The following LRRIQ1 variants were observed in gnomAD, a reference collection of about 807,000 sequenced individuals.
LRRIQ1 encodes the protein leucine-rich repeat- and IQ domain-containing protein 1.
In LRRIQ1, 210 loss-of-function variants were observed where a neutral mutation model predicts 211.9. The ratio of observed to expected loss-of-function variants is 0.99; its 90% CI spans 0.89 to 1.11. The LOEUF is 1.11. Ranked by LOEUF, LRRIQ1 falls within the 50% of genes most tolerant of loss-of-function variation. LRRIQ1 has a pLI of 0.00. For synonymous variants in LRRIQ1, 699 were observed against 650.1 expected, an observed-to-expected ratio of 1.08 and a Z score of -1.14; for missense variants, 2,136 against 1,939.5, an observed-to-expected ratio of 1.10 and a Z score of -1.90.
At position 85,106,602 on chromosome 12, in the gene LRRIQ1, G is replaced by T. The variant is rs769140483; in HGVS notation, c.3364G>T (p.Glu1122Ter). The T allele has an allele frequency of 1.2e-6, 2 of 1,609,924 alleles. No individual in the cohort carries two copies. The highest frequency in any genetic ancestry group is 1.7e-6 in the Non-Finnish European group (2 of 1,177,090). ...LSLTGNPLLQ[E>*]TNWRDSLLKV... The stretch of plus-strand genomic sequence containing the variant: ...TCTTACTGGAAACCCACTTCTTCAA[G>T]AAACAAACTGGAGGTAAAGAGGCAT... The change falls in exon 15 of 27, where the codon GAA becomes TAA. Residue 1122 changes from glutamate (E) to a stop codon, truncating the protein, a stop_gained. Transcript: ENST00000393217. LOFTEE classifies it high-confidence loss of function.
chr12:85,125,362 C>A (rs1015475089), intron 17 of LRRIQ1, among the ~76,000 whole-genome samples: 9 of 151,968 alleles, frequency 5.9e-5, no homozygotes, highest in Admixed American at 1.3e-4. Flanking sequence ...ATCAAGTAAA[C>A]CCCCTTATAA....
chr12:85,102,834 T>G (rs1385586177), intron 13 of LRRIQ1, among the ~76,000 whole-genome samples: 2 of 150,666 alleles, frequency 1.3e-5, no homozygotes, highest in Non-Finnish European at 1.5e-5. Context: ...AAGTGAAAAT[T>G]AATGCATACT....
chr12:85,046,703 A>G (rs1330336484), intron 5 of LRRIQ1, among the ~76,000 whole-genome samples: 2 of 152,146 alleles, frequency 1.3e-5, no homozygotes, highest in African/African-American at 4.8e-5. Flanking sequence ...ACATCCACAC[A>G]TATGTTTATT....
intron 19 of LRRIQ1, among the ~76,000 whole-genome samples, chr12:85,147,743 C>T (rs1456988606): frequency 6.7e-6 from 1 of 150,224 alleles, no homozygotes; most frequent in Non-Finnish European, 1.5e-5. Flanking sequence ...CCGAATGCTA[C>T]TGAGGCACAT....
At chr12:85,105,142 C>G (rs1328688831) in intron 14 of LRRIQ1, among the ~76,000 whole-genome samples, 1 of 151,930 alleles carries the variant, frequency 6.6e-6, no homozygotes, top group Non-Finnish European at 1.5e-5. Flanking sequence ...TTCTGGACAT[C>G]ATTGTCTTAT....
At chr12:85,241,022 C>G (rs1179502824) in intron 26 of LRRIQ1, among the ~76,000 whole-genome samples, 1 of 151,922 alleles carries the variant, frequency 6.6e-6, no homozygotes, top group Non-Finnish European at 1.5e-5. Flanking sequence ...TGTCATAGAA[C>G]TGCAAACAAG....
At chr12:85,050,185 C>T (rs1186919173) in intron 6 of LRRIQ1, among the ~76,000 whole-genome samples, 1 of 152,146 alleles carries the variant, frequency 6.6e-6, no homozygotes, top group Non-Finnish European at 1.5e-5. Context: ...CCAGGCCCCA[C>T]CTCCAACACT....
chr12:85,126,374 A>T (rs73182415), intron 17 of LRRIQ1, among the ~76,000 whole-genome samples: 1,696 of 152,184 alleles, frequency 0.011, 18 homozygotes, highest in Middle Eastern at 0.017. Context: ...GTTTTCCCAT[A>T]AGCCTTTTAA....
At chr12:85,054,443 A>T (rs1437229803) in intron 7 of LRRIQ1, among the ~76,000 whole-genome samples, 1 of 152,132 alleles carries the variant, frequency 6.6e-6, no homozygotes, top group African/African-American at 2.4e-5. Context: ...GTGTGCATGC[A>T]ATGTTCGGTC....
At chr12:85,195,639 A>G (rs1565896702) in intron 24 of LRRIQ1, among the ~76,000 whole-genome samples, 1 of 151,452 alleles carries the variant, frequency 6.6e-6, no homozygotes, top group African/African-American at 2.4e-5. Flanking sequence ...TTCATGCTAA[A>G]AACTCTCAAT....
chr12:85,164,106 A>G (rs1164752076), intron 24 of LRRIQ1, among the ~76,000 whole-genome samples: 2 of 152,200 alleles, frequency 1.3e-5, no homozygotes, highest in Non-Finnish European at 2.9e-5. Flanking sequence ...CCAACCTGTA[A>G]TACCTACTTG....
At position 85,197,430 on chromosome 12, in the gene LRRIQ1, A is replaced by C. The variant is rs1371854698; in HGVS notation, c.4823-32087A>C. ...ATAGCAAAGACTTGGAACCAACCCA[A>C]ATGTCCAACAATGATAGACTGGATT... is the stretch of plus-strand genomic sequence containing the variant. On this transcript the variant is annotated intron_variant, in intron 24 of 26. Coordinates refer to ENST00000393217, the MANE Select transcript of LRRIQ1 (RefSeq NM_001079910.2). Among the ~76,000 whole-genome samples, 6 of 151,358 alleles carry C rather than the reference A, an allele frequency of 4.0e-5. No homozygotes were observed. The Admixed American group carries it at 4.0e-4, about 10-fold the overall frequency.
intron 23 of LRRIQ1, among the ~76,000 whole-genome samples, chr12:85,154,758 ATAT>A (rs1203930237): frequency 6.6e-6 from 1 of 151,200 alleles, no homozygotes. Flanking sequence ...GTAACTTTAT[ATAT>A]AACTGTAAAT....
At chr12:85,113,913 G>A in intron 15 of LRRIQ1, among the ~76,000 whole-genome samples, 1 of 144,660 alleles carries the variant, frequency 6.9e-6, no homozygotes, top group Admixed American at 6.8e-5. Context: ...AGTTTTGTGT[G>A]TGTGTGTGTG....
intron 15 of LRRIQ1, among the ~76,000 whole-genome samples, chr12:85,107,520 C>T (rs931187162): frequency 6.6e-6 from 1 of 151,912 alleles, no homozygotes; most frequent in African/African-American, 2.4e-5. Flanking sequence ...GGTGTGGTTG[C>T]ATTTAGTTTA....
rs761076719 is a variant in LRRIQ1, at chr12:85,229,611, T to C, written c.4917T>C (p.Val1639=). Residue 1639 remains valine, a synonymous_variant, in exon 25 of 27, where the codon GTT becomes GTC. Transcript: ENST00000393217. ...EYTYQWLHTQ[V]GVHETTSSRN... ...CATACCAATGGCTTCACACACAGGTTGGGGTTCATGAAACGACTAGTTCCA... is the reference window on the plus strand; with the variant it reads ...CATACCAATGGCTTCACACACAGGTCGGGGTTCATGAAACGACTAGTTCCA... The C allele has an allele frequency of 1.2e-6, 2 of 1,612,202 alleles. No homozygotes were observed. The highest frequency in any genetic ancestry group is 2.7e-5 in the African/African-American group (2 of 74,786).
chr12:85,152,949 G>T, intron 20 of LRRIQ1, 75 bp from the exon 21 acceptor site: 1 of 1,023,344 alleles, frequency 9.8e-7, no homozygotes, highest in Non-Finnish European at 1.4e-6. Flanking sequence ...TTGGTAATAT[G>T]CATGTAAAAT....
At chr12:85,230,117 C>G (rs575673887) in intron 25 of LRRIQ1, among the ~76,000 whole-genome samples, 1 of 152,290 alleles carries the variant, frequency 6.6e-6, no homozygotes, top group Non-Finnish European at 1.5e-5. Flanking sequence ...AATTCTAACT[C>G]ATGGCGTACA....
At chr12:85,238,123 A>C (rs1048644487) in intron 26 of LRRIQ1, among the ~76,000 whole-genome samples, 2 of 152,010 alleles carry the variant, frequency 1.3e-5, no homozygotes, top group African/African-American at 4.8e-5. Flanking sequence ...ATTTCACCTT[A>C]ATTGAAAAAA....
Sources: gnomAD v4.1 joint callset for allele counts (sites outside exome capture counted in the v4.1 genomes callset) on GRCh38, gnomAD v4.1.1 for gene constraint, MANE v1.5 for transcripts, NCBI Gene and HGNC (gene_info 2026-07-23, HGNC 2026-07-21) for gene names.